Variants in PCDHA3 observed in about 807,000 individuals in gnomAD.
The protein encoded by PCDHA3 is protocadherin alpha-3.
PCDHA3 carries 41 observed loss-of-function variants against 62.2 expected under a neutral mutation model. The observed-to-expected ratio is 0.66, with a 90% confidence interval of 0.51 to 0.86. The LOEUF is 0.86. Ranked by LOEUF, PCDHA3 falls within the 40% of genes least tolerant of loss-of-function variation. PCDHA3 has a pLI of 0.00. For missense variants in PCDHA3, 1,304 were observed against 1,241.2 expected, an observed-to-expected ratio of 1.05 and a Z score of -0.76; for synonymous variants, 640 against 555.4, an observed-to-expected ratio of 1.15 and a Z score of -2.14.
chr5:140,880,407 C>T (rs1198132829), intron 1 of PCDHA3, among the ~76,000 whole-genome samples: 1 of 152,128 alleles, frequency 6.6e-6, no homozygotes, highest in Non-Finnish European at 1.5e-5. Context: ...ATATGGTTGA[C>T]CTTAAAAGCG....
intron 1 of PCDHA3, among the ~76,000 whole-genome samples, chr5:140,818,459 C>G (rs1271079374): frequency 6.6e-6 from 1 of 152,184 alleles, no homozygotes; most frequent in African/African-American, 2.4e-5. Context: ...TCAAAAGAAA[C>G]TTTCCTCCCA....
chr5:140,835,998 G>A lies in PCDHA3; in HGVS notation c.2394+32407G>A, dbSNP rs2150249955. On this transcript the variant is annotated intron_variant, in intron 1 of 3. Transcript: ENST00000522353. The stretch of plus-strand genomic sequence containing the variant: ...GTTGCAGTTCCAGGTGAGCGCGCGC[G>A]ATGCGGGCGTGCCGCCTCTGGGCAG... 5.0e-6 allele frequency: 8 copies of A among 1,613,264 alleles called. No individual in the cohort carries two copies. The highest frequency in any genetic ancestry group is 1.1e-5 in the South Asian group (1 of 91,076).
At chr5:140,885,736 C>T (rs1457106867) in intron 1 of PCDHA3, among the ~76,000 whole-genome samples, 1 of 152,060 alleles carries the variant, frequency 6.6e-6, no homozygotes, top group African/African-American at 2.4e-5. Context: ...AATGATATTT[C>T]ACTGTTACTT....
chr5:140,851,635 T>C (rs2042114429), intron 1 of PCDHA3: 8 of 917,242 alleles, frequency 8.7e-6, no homozygotes, highest in Non-Finnish European at 1.1e-5. Flanking sequence ...AACAAGTGTT[T>C]CCTTTCTTCA....
intron 1 of PCDHA3, chr5:140,969,383 C>G: frequency 6.3e-7 from 1 of 1,597,986 alleles, no homozygotes; most frequent in Non-Finnish European, 8.5e-7. Context: ...TGTTACACAT[C>G]CCCCAATATC....
chr5:140,877,547 C>T lies in PCDHA3; in HGVS notation c.2394+73956C>T, dbSNP rs782342116. ...GTGGGCGCTGTGGATCCCGAAGCGG[C>T]TCTGGTGGATATTAACGTGTACCTC... On this transcript the variant is annotated intron_variant, in intron 1 of 3. Transcript: ENST00000522353. The T allele has an allele frequency of 2.5e-6, 4 of 1,613,656 alleles. No individual in the cohort carries two copies. The highest frequency in any genetic ancestry group is 1.3e-5 in the African/African-American group (1 of 74,930).
intron 1 of PCDHA3, chr5:140,864,831 A>G (rs2048618192): frequency 1.3e-5 from 2 of 152,186 alleles, no homozygotes; most frequent in Non-Finnish European, 2.9e-5. Context: ...GGCTTTAAGT[A>G]TAAGAGAGTC....
At chr5:140,856,964 G>A in intron 1 of PCDHA3, 1 of 1,590,750 alleles carries the variant, frequency 6.3e-7, no homozygotes, top group Non-Finnish European at 8.6e-7. Flanking sequence ...AGTAAATGAT[G>A]CTATTGACTT....
At chr5:140,943,136 T>A (rs1554215378) in intron 1 of PCDHA3, among the ~76,000 whole-genome samples, 1 of 151,240 alleles carries the variant, frequency 6.6e-6, no homozygotes, top group Non-Finnish European at 1.5e-5. Flanking sequence ...TGGGTGCCTG[T>A]AGTCCCAGCT....
intron 1 of PCDHA3, chr5:140,803,793 C>A (rs1554122967): frequency 9.7e-6 from 8 of 822,250 alleles, no homozygotes; most frequent in Non-Finnish European, 5.5e-6. Context: ...TTATGATATC[C>A]ACACTTGTAA....
At chr5:140,934,319 A>G (rs1292813425) in intron 1 of PCDHA3, among the ~76,000 whole-genome samples, 1 of 152,146 alleles carries the variant, frequency 6.6e-6, no homozygotes, top group Non-Finnish European at 1.5e-5. Context: ...CAAATGTCCA[A>G]TCATGAATGT....
chr5:140,842,929 C>T lies in PCDHA3; in HGVS notation c.2394+39338C>T, dbSNP rs2150347942. On this transcript the variant is annotated intron_variant, in intron 1 of 3. Coordinates refer to ENST00000522353, the MANE Select transcript of PCDHA3 (RefSeq NM_018906.3). ...TAGAGCTGCTGCAGTTCCAGGTGAG[C>T]GCGCGCGACGCGGGCGTGCCGCCTC... 1.0e-5 allele frequency: 16 copies of T among 1,594,270 alleles called. 1 individual carries two copies. Among genetic ancestry groups the T allele is most frequent in the African/African-American group, 8.1e-5 (6 of 74,356 alleles).
intron 1 of PCDHA3, chr5:140,877,468 C>A (rs781957457): frequency 6.2e-7 from 1 of 1,613,810 alleles, no homozygotes; most frequent in South Asian, 1.1e-5. Flanking sequence ...GGCCACGGTG[C>A]TGGTGTCGCT....
At chr5:140,829,989 C>T (rs2150179119) in intron 1 of PCDHA3, 11 of 1,613,848 alleles carry the variant, frequency 6.8e-6, no homozygotes, top group Non-Finnish European at 9.3e-6. Context: ...GAGATCAGCA[C>T]CACTCGTGTC....
Position 141,011,146 on chromosome 5 carries a change from C to T in PCDHA3, c.*1209C>T, listed in dbSNP as rs1180133019. On this transcript the variant is annotated 3_prime_UTR_variant, in exon 4 of 4. Transcript: ENST00000522353. ...TATGTGCACTTTGATACACAACCTT[C>T]TCTAACCAACTATATATCAAGACCC... The T allele has an allele frequency of 6.5e-6, 1 of 153,746 alleles. No individual in the cohort carries two copies. The highest frequency in any genetic ancestry group is 2.1e-4 in the South Asian group (1 of 4,824). The allele number at this position is 153,746 out of a possible 1,614,324, so 9.5% of individuals were successfully genotyped here.
rs564411271 is a variant in PCDHA3, at chr5:140,916,111, G to A, written c.2395-62838G>A. 1.9e-3 allele frequency among the ~76,000 whole-genome samples: 289 copies of A among 152,268 alleles called. 1 individual carries two copies. The highest frequency in any genetic ancestry group is 6.6e-3 in the African/African-American group (274 of 41,540). ...ACAGGGAATCTGCCTGGCCACTGCT[G>A]ATGTTCACTTAAAGCTTAAGGGCTG... On this transcript the variant is annotated intron_variant, in intron 1 of 3. Coordinates refer to ENST00000522353, the MANE Select transcript of PCDHA3 (RefSeq NM_018906.3).
chr5:140,924,944 TA>T (rs11334471), intron 1 of PCDHA3, among the ~76,000 whole-genome samples: 51,245 of 142,818 alleles, frequency 0.36, 9,188 homozygotes, highest in East Asian at 0.56. Flanking sequence ...AATAAAAAGT[TA>T]AAAAAAAAAT....
Position 141,009,711 on chromosome 5 carries a change from C to G in PCDHA3, c.2627C>G (p.Pro876Arg), listed in dbSNP as rs575518914. Reference sequence around the variant, plus strand: ...ACCTTTAAATACGGACCAGGCAACCCCAAACAATCCGGTCCCGGTGAGTTG... The same window carrying G: ...ACCTTTAAATACGGACCAGGCAACCGCAAACAATCCGGTCCCGGTGAGTTG... The part of the protein sequence containing the change: ...SWTFKYGPGN[P>R]KQSGPGELPD... Residue 876 changes from proline to arginine, a missense_variant, in exon 4 of 4, where the codon CCC (proline) becomes CGC (arginine). Transcript: ENST00000522353. The G allele has an allele frequency of 6.2e-6, 10 of 1,613,982 alleles. No homozygotes were observed. Among genetic ancestry groups the G allele is most frequent in the Non-Finnish European group, 8.5e-6 (10 of 1,180,036 alleles).
In PCDHA3 at chr5:140,802,306, C is replaced by T. The variant is rs782597355; in HGVS notation, c.1109C>T (p.Ala370Val). 2.5e-6 allele frequency: 4 copies of T among 1,614,142 alleles called. No homozygotes were observed. In the African/African-American group the frequency reaches 4.0e-5, roughly 16 times the overall value. ...GACTCTCCACTTAGCACAGTCATCG[C>T]TCTGATCAGCGTGTCCGACCGCGAC... ...LEDSPLSTVI[A>V]LISVSDRDSG... Residue 370 changes from alanine (A) to valine (V), a missense_variant, in exon 1 of 4, where the codon GCT becomes GTT. Coordinates refer to ENST00000522353, the MANE Select transcript of PCDHA3 (RefSeq NM_018906.3).
Sources: gnomAD v4.1 joint callset for allele counts (sites outside exome capture counted in the v4.1 genomes callset) on GRCh38, gnomAD v4.1.1 for gene constraint, MANE v1.5 for transcripts, NCBI Gene and HGNC (gene_info 2026-07-23, HGNC 2026-07-21) for gene names.